Variants in UNC13C observed in about 807,000 individuals in gnomAD.
UNC13C encodes the protein unc-13 homolog C, also known as protein unc-13 homolog C.
Under a neutral mutation model 245.4 loss-of-function variants are expected in UNC13C, and 174 were observed. The observed-to-expected ratio is 0.71, with a 90% CI of 0.63 to 0.80. The LOEUF is 0.80. Ranked by LOEUF, UNC13C falls within the 30% of genes least tolerant of loss-of-function variation. The pLI, the probability that UNC13C is intolerant of heterozygous loss-of-function variation, is 0.00. For missense variants in UNC13C, 2,829 were observed against 2,602.9 expected (o/e 1.09, Z -1.89); for synonymous variants, 992 against 895.1 (o/e 1.11, Z -1.93).
rs113517997 is a variant in UNC13C, at chr15:54,441,888, G to A, written c.4933+26821G>A. Among the ~76,000 whole-genome samples, 1,360 of 151,820 alleles carry A rather than the reference G, an allele frequency of 9.0e-3. 20 individuals are homozygous for A. The highest frequency in any genetic ancestry group is 0.031 in the African/African-American group (1,286 of 41,426). ...ATCAGTGTTTTGTAGTTTTCATTGTGGAGTCTTTTATCATCTTTGTTTAAT... is the reference window on the plus strand; with the variant it reads ...ATCAGTGTTTTGTAGTTTTCATTGTAGAGTCTTTTATCATCTTTGTTTAAT... On this transcript the variant is annotated intron_variant, in intron 19 of 32. Transcript: ENST00000260323.
At position 54,014,722 on chromosome 15, in the gene UNC13C, A is replaced by G; in HGVS notation, c.1819A>G (p.Asn607Asp). 1 of 1,613,888 alleles carries G rather than the reference A, an allele frequency of 6.2e-7. No homozygotes were observed. The highest frequency in any genetic ancestry group is 8.5e-7 in the Non-Finnish European group (1 of 1,179,848). ...TGACAGTCCCAAGGACCAGCATTTG[A>G]ATGGAGGTGTTCAGGGTATCCAAGG... is the stretch of plus-strand genomic sequence containing the variant. ...LYDSPKDQHL[N>D]GGVQGIQGQT... Residue 607 changes from asparagine to aspartate, a missense_variant, in exon 2 of 33, where the codon AAT (asparagine) becomes GAT (aspartate). By Grantham distance (23) the Asn-to-Asp change is conservative. Coordinates refer to ENST00000260323, the MANE Select transcript of UNC13C (RefSeq NM_001080534.3).
intron 17 of UNC13C, among the ~76,000 whole-genome samples, chr15:54,380,363 C>T (rs1008879428): frequency 6.6e-6 from 1 of 152,098 alleles, no homozygotes; most frequent in African/African-American, 2.4e-5. Flanking sequence ...GGTTTTTATC[C>T]ACTCATTCAT....
At chr15:54,311,472 T>C (rs73413888) in intron 13 of UNC13C, among the ~76,000 whole-genome samples, 126 of 151,896 alleles carry the variant, frequency 8.3e-4, no homozygotes, top group African/African-American at 2.9e-3. Flanking sequence ...TAAGTTGTTA[T>C]TGAAACTGGT....
At chr15:53,951,309 C>T in the UNC13C span, among the ~76,000 whole-genome samples, 1 of 152,096 alleles carries the variant, frequency 6.6e-6, no homozygotes, top group Non-Finnish European at 1.5e-5. Flanking sequence ...AACATTTTAC[C>T]CTGATTTCAC....
intron 2 of UNC13C, among the ~76,000 whole-genome samples, chr15:54,141,342 T>A (rs1172765754): frequency 6.6e-6 from 1 of 152,148 alleles, no homozygotes; most frequent in African/African-American, 2.4e-5. Context: ...TTTGTTTTGG[T>A]TTGTTTTAAT....
chr15:54,228,663 C>T (rs2035463372), intron 4 of UNC13C, among the ~76,000 whole-genome samples: 2 of 152,126 alleles, frequency 1.3e-5, no homozygotes, highest in Admixed American at 6.5e-5. Context: ...AGAGCCATGG[C>T]CTGGAATGGG....
upstream of UNC13C, among the ~76,000 whole-genome samples, chr15:53,974,188 A>G (rs183983798): frequency 1.3e-5 from 2 of 152,232 alleles, no homozygotes; most frequent in African/African-American, 4.8e-5. Flanking sequence ...AGTTTTAGAC[A>G]CTATTATTGT....
chr15:54,479,943 G>GT (rs1292304614), intron 19 of UNC13C, among the ~76,000 whole-genome samples: 5 of 152,094 alleles, frequency 3.3e-5, no homozygotes, highest in South Asian at 2.1e-4. Flanking sequence ...TTTATTGGCA[G>GT]TTTTTTGTTG....
At chr15:54,283,899 A>G (rs921645159) in intron 10 of UNC13C, among the ~76,000 whole-genome samples, 1 of 152,216 alleles carries the variant, frequency 6.6e-6, no homozygotes, top group African/African-American at 2.4e-5. Flanking sequence ...AGCTAGTTCT[A>G]TTATTCCATC....
At chr15:54,458,760 C>T (rs1567292814) in intron 19 of UNC13C, among the ~76,000 whole-genome samples, 1 of 132,130 alleles carries the variant, frequency 7.6e-6, no homozygotes, top group Non-Finnish European at 1.5e-5. Context: ...ATATCTTTTC[C>T]ATCCCTTTAC....
chr15:53,849,674 G>T, the UNC13C span, among the ~76,000 whole-genome samples: 1 of 151,910 alleles, frequency 6.6e-6, no homozygotes, highest in Non-Finnish European at 1.5e-5. Flanking sequence ...AGACAAGTAA[G>T]CCATTAGATG....
intron 24 of UNC13C, among the ~76,000 whole-genome samples, chr15:54,524,454 TAATA>T (rs1305811733): frequency 2.0e-4 from 30 of 152,328 alleles, no homozygotes; most frequent in Non-Finnish European, 1.2e-4. Flanking sequence ...TTGATATAAT[TAATA>T]AAGTCTCAAA....
At chr15:54,382,909 TA>T (rs1389465662) in intron 17 of UNC13C, among the ~76,000 whole-genome samples, 1 of 152,166 alleles carries the variant, frequency 6.6e-6, no homozygotes, top group Non-Finnish European at 1.5e-5. Flanking sequence ...CAGAGATTAT[TA>T]TTAACAACTA....
Position 54,440,640 on chromosome 15 carries a change from T to C in UNC13C, c.4933+25573T>C, listed in dbSNP as rs761418508. Among the ~76,000 whole-genome samples the C allele has an allele frequency of 1.7e-4, 26 of 152,056 alleles. 1 individual carries two copies. Among genetic ancestry groups the C allele is most frequent in the Admixed American group, 1.1e-3 (16 of 15,238 alleles). ...GATGGGGCTGTAGATATCTCTTTGA[T>C]GTAGATAATTTCCTTTACTCTGAAT... On this transcript the variant is annotated intron_variant, in intron 19 of 32. Coordinates refer to ENST00000260323, the MANE Select transcript of UNC13C (RefSeq NM_001080534.3).
chr15:54,203,484 G>GTGTA lies in UNC13C; in HGVS notation c.3072-31545_3072-31544insGTAT, dbSNP rs796426371. Among the ~76,000 whole-genome samples the GTGTA allele has an allele frequency of 4.9e-3, 690 of 139,770 alleles. 35 individuals carry two copies. In the East Asian group the frequency reaches 0.093, roughly 19 times the overall value. The allele number at this position is 139,770 out of a possible 152,430, so 91.7% of individuals were successfully genotyped here. A position where few individuals can be genotyped will look rare whatever the true frequency, so the allele number is the denominator to read the frequency against. On this transcript the variant is annotated intron_variant, in intron 4 of 32. Transcript: ENST00000260323. ...GTAGTGTGTGTGTATATGTGTGTGT[G>GTGTA]TATATATATATATATATATACACAC...
intron 4 of UNC13C, among the ~76,000 whole-genome samples, chr15:54,167,705 T>C (rs958576576): frequency 6.7e-6 from 1 of 150,100 alleles, no homozygotes; most frequent in Non-Finnish European, 1.5e-5. Flanking sequence ...AGCGTAAAAG[T>C]TAAAACTAAC....
intron 7 of UNC13C, among the ~76,000 whole-genome samples, chr15:54,247,180 A>G (rs147247272): frequency 8.6e-5 from 13 of 152,042 alleles, no homozygotes; most frequent in East Asian, 1.9e-4. Flanking sequence ...CATCCCTTCA[A>G]TCTGATTCCT....
the UNC13C span, among the ~76,000 whole-genome samples, chr15:53,866,563 G>A: frequency 1.3e-5 from 2 of 152,174 alleles, no homozygotes; most frequent in Non-Finnish European, 2.9e-5. Flanking sequence ...TTCAAGAATA[G>A]TTAGAAACAA....
At chr15:54,574,332 A>C (rs1264193961) in intron 30 of UNC13C, among the ~76,000 whole-genome samples, 2 of 152,108 alleles carry the variant, frequency 1.3e-5, no homozygotes, top group African/African-American at 4.8e-5. Context: ...GTTTTTTCTC[A>C]AGAATGCATT....
Sources: gnomAD v4.1 joint callset for allele counts (sites outside exome capture counted in the v4.1 genomes callset) on GRCh38, gnomAD v4.1.1 for gene constraint, MANE v1.5 for transcripts, NCBI Gene and HGNC (gene_info 2026-07-23, HGNC 2026-07-21) for gene names.